The following KCNQ1 variants were observed in gnomAD, a reference collection of about 807,000 sequenced individuals.
KCNQ1 encodes potassium voltage-gated channel subfamily KQT member 1.
In KCNQ1, 49 loss-of-function variants were observed where a neutral mutation model predicts 72.4. The observed-to-expected ratio is 0.68, with a 90% CI of 0.54 to 0.86. KCNQ1 has a LOEUF of 0.86. Ranked by LOEUF, KCNQ1 falls within the 40% of genes least tolerant of loss-of-function variation. The probability of loss-of-function intolerance (pLI) is 0.00; values close to 1 mark genes in which losing one functional copy is unlikely to be tolerated. For synonymous variants in KCNQ1, 450 were observed against 412.6 expected (o/e 1.09, Z -1.10); for missense variants, 790 against 945.1 (o/e 0.84, Z 2.15).
rs541333801 is a variant in KCNQ1, at chr11:2,724,762, G to A, written c.1515-44082G>A. ...AACAGAACCAGGGCTCAGAGTTGGG[G>A]GAAGGGGCCAGTTCACCCACAGAGG... On this transcript the variant is annotated intron_variant, in intron 11 of 15. Transcript: ENST00000155840. This position sits in a 1 kb window ranked among gnomAD's most constrained non-coding sequence, Gnocchi z 6.8. Among the ~76,000 whole-genome samples the A allele has an allele frequency of 8.5e-5, 13 of 152,324 alleles. No homozygotes were observed. The highest frequency in any genetic ancestry group is 4.1e-4 in the South Asian group (2 of 4,824).
intron 11 of KCNQ1, chr11:2,684,682 G>T: frequency 2.5e-6 from 1 of 398,632 alleles, no homozygotes; most frequent in Admixed American, 4.4e-5. Context: ...GGGAGCTAGT[G>T]GCCAACTGAG....
Position 2,642,030 on chromosome 11 carries a change from C to G in KCNQ1, c.1394-19931C>G. On this transcript the variant is annotated intron_variant, in intron 10 of 15. Transcript: ENST00000155840. This position sits in a 1 kb window ranked among gnomAD's most constrained non-coding sequence, Gnocchi z 4.3. ...ACCATGCTGCTTTTAATGCTATAGC[C>G]TTATATTTTTAAATCAGGCAGTGTG... 1 of 398,126 alleles carries G rather than the reference C, an allele frequency of 2.5e-6. No homozygotes were observed. 24.7% of individuals were successfully genotyped at this position (398,126 alleles called of 1,614,324 possible). A position where few individuals can be genotyped will look rare whatever the true frequency, so the allele number is the denominator to read the frequency against.
intron 11 of KCNQ1, chr11:2,680,759 C>T (rs1850383649): frequency 6.8e-6 from 1 of 147,132 alleles, no homozygotes; most frequent in South Asian, 2.3e-4. Context: ...CTGACAACTA[C>T]TAACCTATTC....
Position 2,715,689 on chromosome 11 carries a change from A to C in KCNQ1, c.1515-53155A>C, listed in dbSNP as rs1239170487. ...AGGACCTCTTGGGGGAAGGGGAACC[A>C]GCAAAGGGGGTATGGGGAGCCCTCT... On this transcript the variant is annotated intron_variant, in intron 11 of 15. Transcript: ENST00000155840. This position sits in a 1 kb window ranked among gnomAD's most constrained non-coding sequence, Gnocchi z 4.9. Among the ~76,000 whole-genome samples, 5 of 152,184 alleles carry C rather than the reference A, an allele frequency of 3.3e-5. No homozygotes were observed. The highest frequency in any genetic ancestry group is 6.5e-5 in the Admixed American group (1 of 15,284).
At position 2,665,000 on chromosome 11, in the gene KCNQ1, C is replaced by A. The variant is rs1407261640; in HGVS notation, c.1514+2919C>A. On this transcript the variant is annotated intron_variant, in intron 11 of 15. Transcript: ENST00000155840. The surrounding 1 kb of genome is among the most constrained non-coding windows in gnomAD (Gnocchi z 5.1). ...TGGGGCTGGGCGAAGCTCCTCTTTC[C>A]GGGGCCTGTTAGCCAGAGGTGGGGT... The A allele has an allele frequency of 5.0e-6, 2 of 398,536 alleles. No individual in the cohort carries two copies. The highest frequency in any genetic ancestry group is 2.1e-5 in the African/African-American group (1 of 48,588). The allele number at this position is 398,536 out of a possible 1,614,324, so 24.7% of individuals were successfully genotyped here. A position where few individuals can be genotyped will look rare whatever the true frequency, so the allele number is the denominator to read the frequency against.
intron 2 of KCNQ1, among the ~76,000 whole-genome samples, chr11:2,555,361 T>C (rs2133699851): frequency 6.6e-6 from 1 of 152,240 alleles, no homozygotes; most frequent in Admixed American, 6.5e-5. Flanking sequence ...GTCTTTGGGG[T>C]TAACAGCCAT....
rs1589935282 is a variant in KCNQ1, at chr11:2,534,332, C to T, written c.477+6314C>T. ...CTGCTCTGATGAGGAGCCTGCTCTGCGCACGGCCTGGGGCGGTTTCCCGCA... is the reference window on the plus strand; with the variant it reads ...CTGCTCTGATGAGGAGCCTGCTCTGTGCACGGCCTGGGGCGGTTTCCCGCA... On this transcript the variant is annotated intron_variant, in intron 2 of 15. Transcript: ENST00000155840. 3.3e-5 allele frequency among the ~76,000 whole-genome samples: 5 copies of T among 152,378 alleles called. No individual in the cohort carries two copies. In the South Asian group the frequency reaches 8.3e-4, roughly 25 times the overall value.
At position 2,745,983 on chromosome 11, in the gene KCNQ1, G is replaced by T. The variant is rs186701123; in HGVS notation, c.1515-22861G>T. 1.8e-4 allele frequency among the ~76,000 whole-genome samples: 27 copies of T among 152,262 alleles called. No homozygotes were observed. The highest frequency in any genetic ancestry group is 6.5e-4 in the African/African-American group (27 of 41,544). ...CGGCTCACTGCAAACTCCACCTCCC[G>T]GGTTCAAGCGATTGTCTCACCTCAG... On this transcript the variant is annotated intron_variant, in intron 11 of 15. Coordinates refer to ENST00000155840, the MANE Select transcript of KCNQ1 (RefSeq NM_000218.3). The surrounding 1 kb of genome is among the most constrained non-coding windows in gnomAD (Gnocchi z 6.2).
chr11:2,765,142 G>T (rs1846474643), intron 11 of KCNQ1, among the ~76,000 whole-genome samples: 1 of 152,032 alleles, frequency 6.6e-6, no homozygotes, highest in African/African-American at 2.4e-5. Context: ...CACTGTCTGT[G>T]CTTATTTCAC....
Position 2,658,385 on chromosome 11 carries a change from G to A in KCNQ1, c.1394-3576G>A. The A allele has an allele frequency of 5.0e-6, 2 of 398,418 alleles. No individual in the cohort carries two copies. The highest frequency in any genetic ancestry group is 8.8e-5 in the Admixed American group (2 of 22,716). The allele number at this position is 398,418 out of a possible 1,614,324, so 24.7% of individuals were successfully genotyped here. A position where few individuals can be genotyped will look rare whatever the true frequency, so the allele number is the denominator to read the frequency against. On this transcript the variant is annotated intron_variant, in intron 10 of 15. Transcript: ENST00000155840. The surrounding 1 kb of genome is among the most constrained non-coding windows in gnomAD (Gnocchi z 4.9). The stretch of plus-strand genomic sequence containing the variant: ...GGGAGTATTTATTTTTTGAGTTATA[G>A]TCCAATATTATTTATTTTGTTGCTC...
chr11:2,805,943 A>G (rs1847362876), intron 15 of KCNQ1, among the ~76,000 whole-genome samples: 1 of 152,224 alleles, frequency 6.6e-6, no homozygotes, highest in East Asian at 1.9e-4. Context: ...TCACAGCCTT[A>G]TTTATAATAG....
intron 10 of KCNQ1, chr11:2,640,094 G>T (rs991703621): frequency 3.9e-6 from 1 of 257,248 alleles, no homozygotes. Flanking sequence ...AGTTTTCCAG[G>T]TGCCGTCTGT....
chr11:2,843,123 G>A (rs973217633), intron 15 of KCNQ1, among the ~76,000 whole-genome samples: 5 of 152,252 alleles, frequency 3.3e-5, no homozygotes, highest in Non-Finnish European at 2.9e-5. Flanking sequence ...CAGCAGGGCA[G>A]CTGCCCCAAG....
chr11:2,680,152 A>G, intron 11 of KCNQ1: 1 of 396,242 alleles, frequency 2.5e-6, no homozygotes, highest in African/African-American at 2.1e-5. Context: ...TCAGCCTCCT[A>G]AAGTGCTGGG....
chr11:2,819,172 G>T (rs1369512768), intron 15 of KCNQ1, among the ~76,000 whole-genome samples: 1 of 152,230 alleles, frequency 6.6e-6, no homozygotes, highest in African/African-American at 2.4e-5. Flanking sequence ...AGGCATCAGT[G>T]GTAGGCCAGA....
Position 2,626,466 on chromosome 11 carries a change from A to T in KCNQ1, c.1394-35495A>T, listed in dbSNP as rs980144562. On this transcript the variant is annotated intron_variant, in intron 10 of 15. Transcript: ENST00000155840. This position sits in a 1 kb window ranked among gnomAD's most constrained non-coding sequence, Gnocchi z 4.0. ...ATTTTTGGGCTCTCTATTCAATTCCATTGGTCTCTACATCTTTATGTCAAT... is the reference window on the plus strand; with the variant it reads ...ATTTTTGGGCTCTCTATTCAATTCCTTTGGTCTCTACATCTTTATGTCAAT... 3 of 398,492 alleles carry T rather than the reference A, an allele frequency of 7.5e-6. No individual in the cohort carries two copies. The highest frequency in any genetic ancestry group is 2.1e-5 in the African/African-American group (1 of 48,620). The allele number at this position is 398,492 out of a possible 1,614,324, so 24.7% of individuals were successfully genotyped here.
At chr11:2,577,004 GGA>G (rs1368150215) in intron 6 of KCNQ1, among the ~76,000 whole-genome samples, 1 of 152,216 alleles carries the variant, frequency 6.6e-6, no homozygotes, top group Non-Finnish European at 1.5e-5. Context: ...TCTGCACATG[GGA>G]GACAGCAGTC....
chr11:2,499,844 T>C (rs1846981574), intron 1 of KCNQ1, among the ~76,000 whole-genome samples: 2 of 152,208 alleles, frequency 1.3e-5, no homozygotes. Context: ...GGACATTTCA[T>C]CCAGCAATTC....
At chr11:2,790,244 T>C (rs1375619547) in intron 15 of KCNQ1, among the ~76,000 whole-genome samples, 1 of 152,144 alleles carries the variant, frequency 6.6e-6, no homozygotes, top group Non-Finnish European at 1.5e-5. Context: ...CCTCCTCTGC[T>C]GGGGTTGTCT....
Sources: allele counts gnomAD v4.1 joint callset (sites outside exome capture counted in the v4.1 genomes callset), GRCh38; gene constraint gnomAD v4.1.1; non-coding constraint Gnocchi (gnomAD v3.1); transcripts MANE v1.5; gene names NCBI Gene and HGNC (gene_info 2026-07-23, HGNC 2026-07-21).